PNKD: variants seen among roughly 807,000 people sequenced by gnomAD.
The protein encoded by PNKD is PNKD metallo-beta-lactamase domain containing.
A neutral mutation model predicts 45.3 loss-of-function variants in PNKD; 36 were observed. The ratio of observed to expected loss-of-function variants is 0.80; its 90% CI spans 0.61 to 1.05. PNKD has a LOEUF of 1.05. PNKD is among the 50% of genes least tolerant of loss of function. The pLI, the probability that PNKD is intolerant of heterozygous loss-of-function variation, is 0.00. For synonymous variants in PNKD, 197 were observed against 210.1 expected, an observed-to-expected ratio of 0.94 and a Z score of 0.54; for missense variants, 511 against 506.6, an observed-to-expected ratio of 1.01 and a Z score of -0.08.
intron 2 of PNKD, among the ~76,000 whole-genome samples, chr2:218,294,484 G>A (rs1409802202): frequency 2.0e-5 from 3 of 151,988 alleles, no homozygotes; most frequent in African/African-American, 7.3e-5. Context: ...AACAGACACC[G>A]CCCCCCCACC....
chr2:218,296,155 AT>A (rs1559514299), intron 2 of PNKD, among the ~76,000 whole-genome samples: 2 of 151,968 alleles, frequency 1.3e-5, no homozygotes, highest in African/African-American at 4.8e-5. Flanking sequence ...GCCAAACAAT[AT>A]TTTTTCATAT....
intron 2 of PNKD, chr2:218,282,221 G>A: frequency 8.2e-7 from 1 of 1,220,096 alleles, no homozygotes; most frequent in Non-Finnish European, 1.1e-6. Context: ...GAATGCCCAG[G>A]CCCAGCTCAC....
chr2:218,282,691 C>T (rs1217626463), intron 2 of PNKD, among the ~76,000 whole-genome samples: 4 of 152,116 alleles, frequency 2.6e-5, no homozygotes, highest in Non-Finnish European at 2.9e-5. Context: ...AGTGGAGAGC[C>T]GGGGGAAGAA....
At chr2:218,303,373 G>C (rs1426606297) in intron 2 of PNKD, among the ~76,000 whole-genome samples, 1 of 152,082 alleles carries the variant, frequency 6.6e-6, no homozygotes, top group East Asian at 1.9e-4. Context: ...GTGATTTTGA[G>C]CAGGGCTGGG....
chr2:218,311,371 G>A (rs1294183182), intron 2 of PNKD, among the ~76,000 whole-genome samples: 1 of 152,162 alleles, frequency 6.6e-6, no homozygotes, highest in Non-Finnish European at 1.5e-5. Context: ...AGGGACCGGC[G>A]CTCAGCATAC....
rs1694172587 is a variant in PNKD at position 218,326,993 on chromosome 2, A to G, written c.237-12790A>G. ...CTCCCCCGTGCGTGCCCCCTGCTTC[A>G]TGCCTCAGTTGCCCTTTTGCCTTCT... On this transcript the variant is annotated intron_variant, in intron 2 of 9. Coordinates refer to ENST00000273077, the MANE Select transcript of PNKD (RefSeq NM_015488.5). The surrounding 1 kb of genome is among the most constrained non-coding windows in gnomAD (Gnocchi z 4.1). The G allele has an allele frequency of 1.3e-5, 2 of 152,742 alleles. No individual in the cohort carries two copies. The highest frequency in any genetic ancestry group is 4.1e-4 in the South Asian group (2 of 4,838). The allele number at this position is 152,742 out of a possible 1,614,324, so 9.5% of individuals were successfully genotyped here. A position where few individuals can be genotyped will look rare whatever the true frequency, so the allele number is the denominator to read the frequency against.
At chr2:218,321,529 G>T (rs1042072265) in intron 2 of PNKD, among the ~76,000 whole-genome samples, 7 of 151,632 alleles carry the variant, frequency 4.6e-5, no homozygotes, top group African/African-American at 1.7e-4. Context: ...CCAGATTCAG[G>T]TATTGGAATT....
In PNKD at chr2:218,297,138, A is replaced by G. The variant is rs553502987; in HGVS notation, c.236+25589A>G. Among the ~76,000 whole-genome samples the G allele has an allele frequency of 3.9e-5, 6 of 152,314 alleles. No homozygotes were observed. In the East Asian group the frequency reaches 7.7e-4, roughly 20 times the overall value. ...CCAGCATCTGTTGAATTGAATGCCAATGTTCCAAAGTGGGATGGAGGGAGC... is the reference window on the plus strand; with the variant it reads ...CCAGCATCTGTTGAATTGAATGCCAGTGTTCCAAAGTGGGATGGAGGGAGC... On this transcript the variant is annotated intron_variant, in intron 2 of 9. Transcript: ENST00000273077.
chr2:218,296,303 A>G (rs1184407006), intron 2 of PNKD, among the ~76,000 whole-genome samples: 1 of 152,210 alleles, frequency 6.6e-6, no homozygotes, highest in African/African-American at 2.4e-5. Flanking sequence ...AGTGGAGTCA[A>G]GTCCATGGCT....
intron 7 of PNKD, among the ~76,000 whole-genome samples, chr2:218,343,013 G>A (rs1250529045): frequency 1.3e-5 from 2 of 152,240 alleles, no homozygotes; most frequent in African/African-American, 4.8e-5. Context: ...ATGGGAGAAT[G>A]TCTGTAGCTG....
At chr2:218,310,020 T>C (rs1324392264) in intron 2 of PNKD, among the ~76,000 whole-genome samples, 1 of 151,814 alleles carries the variant, frequency 6.6e-6, no homozygotes, top group African/African-American at 2.4e-5. Context: ...AATTCCAGGA[T>C]TGGTTAATTC....
rs201914720 is a variant in PNKD, at chr2:218,280,015, G to C, written c.236+8466G>C. The C allele has an allele frequency of 4.3e-6, 7 of 1,611,822 alleles. 1 individual carries two copies. The East Asian group carries it at 1.6e-4, about 36-fold the overall frequency. On this transcript the variant is annotated intron_variant, in intron 2 of 9. Coordinates refer to ENST00000273077, the MANE Select transcript of PNKD (RefSeq NM_015488.5). ...GCCCCAGGTACACCCACCTCCCAGC[G>C]CGTATCTTACCTTTCGGATAAAAGT... is the stretch of plus-strand genomic sequence containing the variant.
chr2:218,323,373 CGGCGGGGCCTCCGCGGTCTGCTCAT>C, intron 2 of PNKD: 1 of 1,580,360 alleles, frequency 6.3e-7, no homozygotes, highest in Middle Eastern at 1.7e-4. Context: ...CTGCCGAGCG[CGGCGGGGCCTCCGCGGTCTGCTCAT>C]GGCGCACAGC....
chr2:218,291,873 G>A (rs529565523), intron 2 of PNKD, among the ~76,000 whole-genome samples: 45 of 152,290 alleles, frequency 3.0e-4, no homozygotes, highest in African/African-American at 1.1e-3. Flanking sequence ...TGGTGATAGA[G>A]GTGGCCACTT....
At chr2:218,325,198 C>T (rs1270118042) in intron 2 of PNKD, among the ~76,000 whole-genome samples, 27 of 39,764 alleles carry the variant, frequency 6.8e-4, no homozygotes, top group Admixed American at 1.4e-3. Flanking sequence ...CGCACCCGGC[C>T]TTTTTTTTTT....
chr2:218,299,422 G>A (rs1425128553), intron 2 of PNKD, among the ~76,000 whole-genome samples: 1 of 151,658 alleles, frequency 6.6e-6, no homozygotes, highest in Non-Finnish European at 1.5e-5. Flanking sequence ...GATTACAGGC[G>A]TGAGCCACCG....
At chr2:218,298,180 G>A (rs942776017) in intron 2 of PNKD, among the ~76,000 whole-genome samples, 47 of 152,244 alleles carry the variant, frequency 3.1e-4, no homozygotes, top group African/African-American at 9.6e-4. Flanking sequence ...GCCAGGCCAC[G>A]GAACCAGCCT....
In PNKD at chr2:218,345,343, C is replaced by A; in HGVS notation, c.*362C>A. The A allele has an allele frequency of 4.2e-6, 1 of 237,320 alleles. No individual in the cohort carries two copies. Among genetic ancestry groups the A allele is most frequent in the South Asian group, 7.7e-5 (1 of 12,936 alleles). The allele number at this position is 237,320 out of a possible 1,614,324, so 14.7% of individuals were successfully genotyped here. On this transcript the variant is annotated 3_prime_UTR_variant, in exon 10 of 10. Transcript: ENST00000273077. ...TGTTAGCTTCTCCGTCAGGAGGCCT[C>A]ATCTCACTGTAGCCCTGGAACCCAG... is the stretch of plus-strand genomic sequence containing the variant.
Position 218,340,643 on chromosome 2 carries a change from A to C in PNKD, c.466-85A>C. Reference sequence around the variant, plus strand: ...CTCTCCATGCTCTCCTCTCCTCTCCACCAGCGCCCACACTCCTGGCTCTTG... The same window carrying C: ...CTCTCCATGCTCTCCTCTCCTCTCCCCCAGCGCCCACACTCCTGGCTCTTG... On this transcript the variant is annotated intron_variant, in intron 4 of 9. Coordinates refer to ENST00000273077, the MANE Select transcript of PNKD (RefSeq NM_015488.5). The surrounding 1 kb of genome is among the most constrained non-coding windows in gnomAD (Gnocchi z 4.2). The C allele has an allele frequency of 1.1e-6, 1 of 948,540 alleles. No individual in the cohort carries two copies. The highest frequency in any genetic ancestry group is 1.7e-6 in the Non-Finnish European group (1 of 574,784). The allele number at this position is 948,540 out of a possible 1,614,324, so 58.8% of individuals were successfully genotyped here.
Sources: allele counts gnomAD v4.1 joint callset (sites outside exome capture counted in the v4.1 genomes callset), GRCh38; gene constraint gnomAD v4.1.1; non-coding constraint Gnocchi (gnomAD v3.1); transcripts MANE v1.5; gene names NCBI Gene and HGNC (gene_info 2026-07-23, HGNC 2026-07-21).